Variants in EPC2 observed in about 807,000 individuals in gnomAD.
The protein encoded by EPC2 is enhancer of polycomb 2, also known as enhancer of polycomb homolog 2.
EPC2 carries 14 observed loss-of-function variants against 92.1 expected under a neutral mutation model. That is an observed-to-expected ratio of 0.15 (90% CI 0.10 to 0.24). The LOEUF is 0.24. Among genes scored for constraint, EPC2 ranks in the 10% least tolerant of loss-of-function variants. The pLI is 1.00. For missense variants in EPC2, 755 were observed against 971.5 expected, an observed-to-expected ratio of 0.78 and a Z score of 2.96; for synonymous variants, 340 against 334.7, an observed-to-expected ratio of 1.02 and a Z score of -0.17.
chr2:148,646,980 C>T (rs772511263), intron 1 of EPC2, among the ~76,000 whole-genome samples: 3 of 151,808 alleles, frequency 2.0e-5, no homozygotes, highest in South Asian at 2.1e-4. Context: ...CCTGGTGGTG[C>T]GCGCCTGTAA....
intron 13 of EPC2, 30 bp from the exon 14 acceptor site, chr2:148,786,275 T>C (rs777970384): frequency 2.6e-6 from 4 of 1,560,886 alleles, no homozygotes; most frequent in Admixed American, 3.5e-5. Flanking sequence ...AGTATTGATA[T>C]TTATTTTATC....
intron 2 of EPC2, among the ~76,000 whole-genome samples, chr2:148,709,361 A>C (rs1375487302): frequency 6.6e-6 from 1 of 152,250 alleles, no homozygotes; most frequent in Non-Finnish European, 1.5e-5. Flanking sequence ...AAACAAATGG[A>C]AGAACATCCC....
At position 148,783,642 on chromosome 2, in the gene EPC2, A is replaced by C; in HGVS notation, c.1903A>C (p.Ser635Arg). The C allele has an allele frequency of 6.2e-7, 1 of 1,607,608 alleles. No homozygotes were observed. The highest frequency in any genetic ancestry group is 8.5e-7 in the Non-Finnish European group (1 of 1,176,750). ...TATGTCTAAAACACTTGACTCAGCC[A>C]GCGCCCACTTTGCTGCATCTGCAGT... is the stretch of plus-strand genomic sequence containing the variant. Reference protein sequence around the residue: ...DCMSKTLDSASAHFAASAVVS... With the variant: ...DCMSKTLDSARAHFAASAVVS... The change falls in exon 12 of 14, where the codon AGC becomes CGC. Residue 635 changes from serine (S) to arginine (R), a missense_variant. Around this residue, in one of 4 missense-constraint regions of EPC2, gnomAD observed 207 missense variants for 260.5 expected, o/e 0.79. Coordinates refer to ENST00000258484, the MANE Select transcript of EPC2 (RefSeq NM_015630.4).
At chr2:148,668,289 C>A (rs1681091865) in intron 1 of EPC2, among the ~76,000 whole-genome samples, 1 of 152,140 alleles carries the variant, frequency 6.6e-6, no homozygotes, top group Non-Finnish European at 1.5e-5. Flanking sequence ...CCTGGAATAA[C>A]CCCATTTGGT....
chr2:148,742,802 A>G (rs1278881120), intron 2 of EPC2, among the ~76,000 whole-genome samples: 1 of 147,002 alleles, frequency 6.8e-6, no homozygotes, highest in African/African-American at 2.5e-5. Flanking sequence ...AAAAAAAAAG[A>G]AAAATCATTG....
chr2:148,779,037 T>C (rs1205411308), intron 10 of EPC2, among the ~76,000 whole-genome samples: 1 of 152,192 alleles, frequency 6.6e-6, no homozygotes, highest in Non-Finnish European at 1.5e-5. Context: ...TAATTTGGAT[T>C]GCAACCAGAT....
rs752339749 is a variant in EPC2, at chr2:148,771,073, A to G, written c.1406A>G (p.His469Arg). ...RVIMDRISTE[H>R]DPVLKQIDPE... ...ATAATGGACCGAATATCCACAGAAC[A>G]TGACCCAGTCCTGAAACAGATAGAC... The change falls in exon 10 of 14, where the codon CAT (histidine) becomes CGT (arginine). Residue 469 changes from histidine (H) to arginine (R), a missense_variant. His to Arg is a conservative substitution (Grantham distance 29). Transcript: ENST00000258484. 1.2e-5 allele frequency: 19 copies of G among 1,610,994 alleles called. No homozygotes were observed. In the Middle Eastern group the frequency reaches 8.2e-4, roughly 70 times the overall value.
At chr2:148,666,103 T>C (rs1681050303) in intron 1 of EPC2, among the ~76,000 whole-genome samples, 1 of 152,224 alleles carries the variant, frequency 6.6e-6, no homozygotes, top group Admixed American at 6.5e-5. Context: ...TTTTTCAAAT[T>C]GTCTGTGGTG....
intron 2 of EPC2, among the ~76,000 whole-genome samples, chr2:148,712,739 C>T (rs1485717171): frequency 1.3e-5 from 2 of 150,496 alleles, no homozygotes; most frequent in African/African-American, 4.9e-5. Context: ...AAACAATAGC[C>T]AGGTGTGGTA....
chr2:148,765,235 T>C (rs1482887891), intron 7 of EPC2, 89 bp downstream of exon 7: 10 of 982,086 alleles, frequency 1.0e-5, no homozygotes, highest in Non-Finnish European at 1.1e-5. Context: ...AGAGTTTTTA[T>C]TCTTGCTTTG....
At chr2:148,659,954 C>G (rs1159709859) in intron 1 of EPC2, among the ~76,000 whole-genome samples, 1 of 152,030 alleles carries the variant, frequency 6.6e-6, no homozygotes, top group East Asian at 1.9e-4. Context: ...AAATGAAACC[C>G]CAGATTGTTT....
intron 1 of EPC2, among the ~76,000 whole-genome samples, chr2:148,681,302 G>A (rs1220533991): frequency 2.0e-5 from 3 of 152,078 alleles, no homozygotes; most frequent in African/African-American, 4.8e-5. Context: ...CTGAAGACGT[G>A]ACATTTTAAA....
intron 1 of EPC2, among the ~76,000 whole-genome samples, chr2:148,658,601 G>GTA: frequency 6.6e-5 from 1 of 15,088 alleles, no homozygotes. Flanking sequence ...AGCTGTGTGT[G>GTA]TGTGTGTATA....
intron 4 of EPC2, 111 bp from the exon 5 acceptor site, chr2:148,761,671 T>A (rs1683302576): frequency 1.4e-6 from 1 of 720,186 alleles, no homozygotes; most frequent in Middle Eastern, 4.3e-4. Flanking sequence ...AGATTTTTTT[T>A]AACATTTTAC....
intron 4 of EPC2, among the ~76,000 whole-genome samples, chr2:148,756,802 C>G (rs1185908086): frequency 1.3e-5 from 2 of 152,202 alleles, no homozygotes; most frequent in African/African-American, 4.8e-5. Context: ...TAGTGGTTGT[C>G]AGTTCTAGCT....
chr2:148,673,606 C>T (rs1211368713), intron 1 of EPC2, among the ~76,000 whole-genome samples: 1 of 152,104 alleles, frequency 6.6e-6, no homozygotes, highest in African/African-American at 2.4e-5. Flanking sequence ...TTTATTGAGA[C>T]AGAGTCTCAC....
chr2:148,784,166 A>T (rs1683813623), intron 12 of EPC2, among the ~76,000 whole-genome samples: 1 of 152,208 alleles, frequency 6.6e-6, no homozygotes, highest in African/African-American at 2.4e-5. Flanking sequence ...TAGGCATACT[A>T]ACTCTGGCTC....
intron 1 of EPC2, among the ~76,000 whole-genome samples, chr2:148,662,773 A>G (rs2105355888): frequency 6.6e-6 from 1 of 152,204 alleles, no homozygotes; most frequent in Middle Eastern, 3.4e-3. Flanking sequence ...CATACGTAAC[A>G]AACCTTCACA....
chr2:148,709,672 A>G (rs139351973), intron 2 of EPC2, among the ~76,000 whole-genome samples: 3,831 of 152,268 alleles, frequency 0.025, 54 homozygotes, highest in East Asian at 0.032. Context: ...AACAGAACAG[A>G]GCCCTCAGAA....
Sources: allele counts gnomAD v4.1 joint callset (sites outside exome capture counted in the v4.1 genomes callset), GRCh38; gene constraint gnomAD v4.1.1; regional missense constraint gnomAD v4.1.1; transcripts MANE v1.5; gene names NCBI Gene and HGNC (gene_info 2026-07-23, HGNC 2026-07-21).